Variants in PLXDC2 observed in about 807,000 individuals in gnomAD.
PLXDC2 encodes the protein plexin domain-containing protein 2.
PLXDC2 carries 40 observed loss-of-function variants against 68.9 expected under a neutral mutation model. That is an observed-to-expected ratio of 0.58 (90% confidence interval 0.45 to 0.76). The LOEUF is 0.76. Ranked by LOEUF, PLXDC2 falls within the 30% of genes least tolerant of loss-of-function variation. PLXDC2 has a pLI of 0.00. For missense variants in PLXDC2, 644 were observed against 661.9 expected (o/e 0.97, Z 0.30); for synonymous variants, 243 against 234.2 (o/e 1.04, Z -0.34).
chr10:20,004,313 C>T (rs749736198), intron 2 of PLXDC2, among the ~76,000 whole-genome samples: 2 of 152,150 alleles, frequency 1.3e-5, no homozygotes, highest in Non-Finnish European at 2.9e-5. Context: ...TACCAGGCAA[C>T]GGTTGATGTG....
chr10:20,144,782 C>T (rs925240465), intron 5 of PLXDC2, among the ~76,000 whole-genome samples: 1 of 152,112 alleles, frequency 6.6e-6, no homozygotes. Flanking sequence ...TTCCAAACTC[C>T]GACATTCACT....
chr10:20,170,313 C>T (rs930512987), intron 7 of PLXDC2, among the ~76,000 whole-genome samples: 1 of 152,140 alleles, frequency 6.6e-6, no homozygotes, highest in African/African-American at 2.4e-5. Flanking sequence ...GCCTCGGTCT[C>T]CCAAGTAGCT....
chr10:19,836,753 G>A (rs1289539835), intron 1 of PLXDC2, among the ~76,000 whole-genome samples: 2 of 152,182 alleles, frequency 1.3e-5, no homozygotes, highest in Non-Finnish European at 2.9e-5. Context: ...TTTACACCCT[G>A]AAAGAAAGGC....
chr10:20,274,560 A>G (rs956078820), intron 13 of PLXDC2, among the ~76,000 whole-genome samples: 1 of 152,228 alleles, frequency 6.6e-6, no homozygotes, highest in African/African-American at 2.4e-5. Context: ...CTTCCACACC[A>G]GGAAGAATCA....
At chr10:19,998,454 A>T (rs921905771) in intron 1 of PLXDC2, among the ~76,000 whole-genome samples, 1 of 152,208 alleles carries the variant, frequency 6.6e-6, no homozygotes, top group Non-Finnish European at 1.5e-5. Flanking sequence ...AATTATGAAC[A>T]TATAATAGGA....
Position 20,046,849 on chromosome 10 carries a change from A to G in PLXDC2, c.325-20A>G, listed in dbSNP as rs1463027025. On this transcript the variant is annotated intron_variant, in intron 2 of 13. Transcript: ENST00000377252. ...TAAAACATCTCGGTTCTTGATATAC[A>G]TTATTATCTATTATTGCAGGAGGAT... is the stretch of plus-strand genomic sequence containing the variant. The G allele has an allele frequency of 1.3e-6, 2 of 1,584,100 alleles. No individual in the cohort carries two copies. Among genetic ancestry groups the G allele is most frequent in the East Asian group, 2.2e-5 (1 of 44,492 alleles).
At chr10:19,842,475 A>G (rs2131318920) in intron 1 of PLXDC2, among the ~76,000 whole-genome samples, 1 of 152,258 alleles carries the variant, frequency 6.6e-6, no homozygotes, top group East Asian at 1.9e-4. Flanking sequence ...GTGTCCTGAC[A>G]ACTGCAGCTC....
Position 20,254,074 on chromosome 10 carries a change from A to G in PLXDC2, c.1473+8569A>G, listed in dbSNP as rs189802143. ...TTACAGAGCCAAGACATCAAACTAGAATTCCTCACCCCGGCCCTATAGCCT... is the reference window on the plus strand; with the variant it reads ...TTACAGAGCCAAGACATCAAACTAGGATTCCTCACCCCGGCCCTATAGCCT... On this transcript the variant is annotated intron_variant, in intron 13 of 13. Coordinates refer to ENST00000377252, the MANE Select transcript of PLXDC2 (RefSeq NM_032812.9). Among the ~76,000 whole-genome samples, 793 of 152,280 alleles carry G rather than the reference A, an allele frequency of 5.2e-3. 6 individuals carry two copies. The highest frequency in any genetic ancestry group is 0.017 in the African/African-American group (697 of 41,554).
intron 1 of PLXDC2, among the ~76,000 whole-genome samples, chr10:19,962,322 T>C (rs1032056648): frequency 6.7e-5 from 9 of 134,686 alleles, no homozygotes; most frequent in Non-Finnish European, 1.4e-4. Context: ...TAAAATGTGA[T>C]GAAAAGGAGG....
At chr10:20,208,015 TA>T (rs1230100775) in intron 9 of PLXDC2, among the ~76,000 whole-genome samples, 2 of 151,720 alleles carry the variant, frequency 1.3e-5, no homozygotes, top group African/African-American at 4.8e-5. Context: ...TTAAAAATAA[TA>T]AAAAAAAGAA....
intron 1 of PLXDC2, among the ~76,000 whole-genome samples, chr10:19,928,277 T>C (rs923842113): frequency 6.6e-6 from 1 of 152,192 alleles, no homozygotes; most frequent in African/African-American, 2.4e-5. Flanking sequence ...GTCTTTATGA[T>C]ATAGTGACTT....
intron 4 of PLXDC2, among the ~76,000 whole-genome samples, chr10:20,118,391 A>G (rs1833650823): frequency 6.6e-6 from 1 of 152,146 alleles, no homozygotes; most frequent in Non-Finnish European, 1.5e-5. Flanking sequence ...AAGGAGGAGT[A>G]TATGGCAAAC....
At chr10:19,921,109 C>G (rs1305332206) in intron 1 of PLXDC2, among the ~76,000 whole-genome samples, 1 of 133,570 alleles carries the variant, frequency 7.5e-6, no homozygotes, top group East Asian at 2.9e-4. Flanking sequence ...TTCTTTTCTT[C>G]TTCTTTTTTT....
At chr10:20,094,223 A>T in intron 4 of PLXDC2, among the ~76,000 whole-genome samples, 1 of 152,324 alleles carries the variant, frequency 6.6e-6, no homozygotes, top group East Asian at 1.9e-4. Flanking sequence ...TACCATGTAC[A>T]TTGTTTGAAA....
chr10:20,010,054 A>C (rs1176343481), intron 2 of PLXDC2, among the ~76,000 whole-genome samples: 1 of 152,130 alleles, frequency 6.6e-6, no homozygotes, highest in Non-Finnish European at 1.5e-5. Flanking sequence ...CATTCATTTA[A>C]ATTAATCAAT....
intron 1 of PLXDC2, among the ~76,000 whole-genome samples, chr10:19,885,066 C>G (rs1305039893): frequency 3.3e-5 from 5 of 152,112 alleles, no homozygotes; most frequent in Non-Finnish European, 7.4e-5. Flanking sequence ...GAGATGATAT[C>G]TCATTGTGGT....
chr10:19,936,113 A>G (rs570058248), intron 1 of PLXDC2, among the ~76,000 whole-genome samples: 13 of 152,360 alleles, frequency 8.5e-5, no homozygotes, highest in East Asian at 1.9e-4. Context: ...TCTAATTTGC[A>G]TATAGAAAAA....
In PLXDC2 at chr10:20,285,463, A is replaced by G. The variant is rs1836141001; in HGVS notation, c.*5644A>G. 6.6e-6 allele frequency: 1 copy of G among 152,200 alleles called. No homozygotes were observed. Among genetic ancestry groups the G allele is most frequent in the Admixed American group, 6.5e-5 (1 of 15,278 alleles). The allele number at this position is 152,200 out of a possible 1,614,324, so 9.4% of individuals were successfully genotyped here. Reference sequence around the variant, plus strand: ...TAGATAGGATCAACAATACTCTATCAATTTTCAACTCCAATTTTCTATTCT... The same window carrying G: ...TAGATAGGATCAACAATACTCTATCGATTTTCAACTCCAATTTTCTATTCT... On this transcript the variant is annotated 3_prime_UTR_variant, in exon 14 of 14. Coordinates refer to ENST00000377252, the MANE Select transcript of PLXDC2 (RefSeq NM_032812.9).
At chr10:20,242,448 T>C (rs1030936463) in intron 12 of PLXDC2, among the ~76,000 whole-genome samples, 3 of 152,180 alleles carry the variant, frequency 2.0e-5, no homozygotes, top group Admixed American at 6.6e-5. Context: ...TATGGGGTAA[T>C]TACTGTTATT....
Sources: allele counts gnomAD v4.1 joint callset (sites outside exome capture counted in the v4.1 genomes callset), GRCh38; gene constraint gnomAD v4.1.1; transcripts MANE v1.5; gene names NCBI Gene and HGNC (gene_info 2026-07-23, HGNC 2026-07-21).